The following NHSL1 variants were observed in gnomAD, a reference collection of about 807,000 sequenced individuals.
NHSL1 encodes the protein NHS-like protein 1.
A neutral mutation model predicts 95.0 loss-of-function variants in NHSL1; 48 were observed. The observed-to-expected ratio is 0.51, with a 90% CI of 0.40 to 0.64. NHSL1 has a LOEUF of 0.64. NHSL1 is among the 30% of genes least tolerant of loss of function. The pLI, the probability that NHSL1 is intolerant of heterozygous loss-of-function variation, is 0.00. For missense variants in NHSL1, 1,971 were observed against 2,077.7 expected (o/e 0.95, Z 1.00); for synonymous variants, 783 against 833.9 (o/e 0.94, Z 1.05).
Position 138,518,786 on chromosome 6 carries a change from G to A in NHSL1, c.17-22415C>T, listed in dbSNP as rs549610557. 7.0e-4 allele frequency among the ~76,000 whole-genome samples: 106 copies of A among 152,290 alleles called. 1 individual carries two copies. In the Middle Eastern group the frequency reaches 0.024, roughly 34 times the overall value. ...TAATCCCAGCACTTTAGGAGGCCAA[G>A]GCCAGCAGATCGCCTGAGGTCAGGA... On this transcript the variant is annotated intron_variant, in intron 1 of 4. Coordinates refer to the NHSL1 transcript ENST00000342260.
intron 5 of NHSL1, among the ~76,000 whole-genome samples, chr6:138,434,318 G>A (rs1002304095): frequency 3.3e-5 from 5 of 151,986 alleles, no homozygotes; most frequent in African/African-American, 1.2e-4. Context: ...GTTCTAGTTG[G>A]GGAAACTGGC....
At chr6:138,579,866 A>T (rs1784026585) in intron 1 of NHSL1, among the ~76,000 whole-genome samples, 1 of 152,242 alleles carries the variant, frequency 6.6e-6, no homozygotes, top group Non-Finnish European at 1.5e-5. Context: ...ATGGCTCTAT[A>T]GTGCTTACAC....
chr6:138,672,800 C>G (rs879614626), intron 1 of NHSL1, among the ~76,000 whole-genome samples: 1 of 152,128 alleles, frequency 6.6e-6, no homozygotes, highest in Non-Finnish European at 1.5e-5. Context: ...AGGCAGATCA[C>G]GAGGTCAGGA....
chr6:138,670,747 T>C (rs1213046002), intron 1 of NHSL1, among the ~76,000 whole-genome samples: 1 of 150,080 alleles, frequency 6.7e-6, no homozygotes, highest in Non-Finnish European at 1.5e-5. Flanking sequence ...AAAAGCAGGA[T>C]GTTATATAAA....
At chr6:138,520,058 A>C (rs978912045) in intron 1 of NHSL1, among the ~76,000 whole-genome samples, 20 of 152,116 alleles carry the variant, frequency 1.3e-4, no homozygotes, top group Non-Finnish European at 2.1e-4. Context: ...TTATTGCCCA[A>C]ATCCAATTGT....
Position 138,494,192 on chromosome 6 carries a change from C to T in NHSL1, c.211+2027G>A, listed in dbSNP as rs116509843. ...GAAGTTATCTGCCCTCTTTAATTCC[C>T]ATACAGCAATTTTTAGTTTGTCTCC... is the stretch of plus-strand genomic sequence containing the variant. On this transcript the variant is annotated intron_variant, in intron 2 of 7. Transcript: ENST00000343505. Among the ~76,000 whole-genome samples the T allele has an allele frequency of 6.7e-3, 1,013 of 152,304 alleles. 8 individuals are homozygous for T. Among genetic ancestry groups the T allele is most frequent in the African/African-American group, 0.022 (901 of 41,570 alleles).
intron 2 of NHSL1, among the ~76,000 whole-genome samples, chr6:138,477,618 T>C (rs190959167): frequency 6.6e-6 from 1 of 152,174 alleles, no homozygotes; most frequent in Admixed American, 6.5e-5. Flanking sequence ...TGTATAATAA[T>C]AGTAAAATGA....
intron 1 of NHSL1, among the ~76,000 whole-genome samples, chr6:138,644,362 G>A (rs565295890): frequency 5.3e-4 from 80 of 152,122 alleles, no homozygotes; most frequent in African/African-American, 1.9e-3. Flanking sequence ...TTAGCCAAGC[G>A]TGGTGGTGCA....
At chr6:138,648,688 G>A (rs1201551145) in intron 1 of NHSL1, among the ~76,000 whole-genome samples, 1 of 152,170 alleles carries the variant, frequency 6.6e-6, no homozygotes, top group Non-Finnish European at 1.5e-5. Context: ...CAGAAAGAAG[G>A]GCCTACCCAA....
chr6:138,648,334 T>C (rs1017989889), intron 1 of NHSL1, among the ~76,000 whole-genome samples: 1 of 139,348 alleles, frequency 7.2e-6, no homozygotes, highest in Non-Finnish European at 1.5e-5. Flanking sequence ...TATGTTTTAA[T>C]AAAACTTTAC....
intron 1 of NHSL1, among the ~76,000 whole-genome samples, chr6:138,561,834 T>C (rs1783422987): frequency 6.6e-6 from 1 of 152,212 alleles, no homozygotes; most frequent in Admixed American, 6.5e-5. Context: ...AGACAACTGC[T>C]TGCCTAGGCA....
intron 4 of NHSL1, among the ~76,000 whole-genome samples, chr6:138,445,699 C>T (rs1776821797): frequency 6.6e-6 from 1 of 152,158 alleles, no homozygotes; most frequent in South Asian, 2.1e-4. Flanking sequence ...TACAAGCTCA[C>T]CAGTGCCATG....
Position 138,432,883 on chromosome 6 carries a change from G to A in NHSL1, c.1462C>T (p.Pro488Ser), listed in dbSNP as rs1441699590. Residue 488 changes from proline to serine, a missense_variant, in exon 6 of 8, where the codon CCT (proline) becomes TCT (serine). By Grantham distance (74) the Pro-to-Ser change is moderately conservative. Transcript: ENST00000343505. This position sits in a 1 kb window ranked among gnomAD's most constrained non-coding sequence, Gnocchi z 4.4. Reference sequence around the variant, plus strand: ...AGGGACAACAGTGCGGGTTCACCAGGGGAATGAGGGTCTAAGTCCTGTGAA... The same window carrying A: ...AGGGACAACAGTGCGGGTTCACCAGAGGAATGAGGGTCTAAGTCCTGTGAA... The part of the protein sequence containing the change: ...ILSQDLDPHS[P>S]GEPALLSLCD... 3.9e-6 allele frequency: 6 copies of A among 1,551,590 alleles called. No homozygotes were observed. In the East Asian group the frequency reaches 1.5e-4, roughly 38 times the overall value.
chr6:138,490,286 A>G (rs13197621), intron 2 of NHSL1, among the ~76,000 whole-genome samples: 1 of 152,208 alleles, frequency 6.6e-6, no homozygotes, highest in East Asian at 1.9e-4. Flanking sequence ...GCTCTCAATC[A>G]ATGTCCACAG....
At position 138,424,838 on chromosome 6, in the gene NHSL1, A is replaced by T; in HGVS notation, c.4086-22T>A. ...GGATCTGAGATTTAATAACATTAAG[A>T]AAAAGGTTAATTCCCACGGGACCAC... On this transcript the variant is annotated intron_variant, in intron 7 of 7. Transcript: ENST00000343505. This position sits in a 1 kb window ranked among gnomAD's most constrained non-coding sequence, Gnocchi z 5.9. 6.5e-7 allele frequency: 1 copy of T among 1,540,078 alleles called. No individual in the cohort carries two copies. Among genetic ancestry groups the T allele is most frequent in the Non-Finnish European group, 8.8e-7 (1 of 1,139,532 alleles).
chr6:138,464,273 C>T, intron 3 of NHSL1: 1 of 799,088 alleles, frequency 1.3e-6, no homozygotes, highest in Non-Finnish European at 2.1e-6. Flanking sequence ...CCACTTCCTG[C>T]TTTGGCAGAC....
At chr6:138,554,002 C>A (rs1385325658) in intron 1 of NHSL1, among the ~76,000 whole-genome samples, 2 of 152,150 alleles carry the variant, frequency 1.3e-5, no homozygotes, top group Non-Finnish European at 2.9e-5. Context: ...AGAATTAACA[C>A]CAGTATGTCC....
intron 3 of NHSL1, among the ~76,000 whole-genome samples, chr6:138,454,765 C>A (rs953993478): frequency 6.6e-6 from 1 of 152,224 alleles, no homozygotes; most frequent in East Asian, 1.9e-4. Flanking sequence ...GATCTAATCT[C>A]TCCAAGATAC....
chr6:138,426,325 C>T (rs1012795887), intron 7 of NHSL1, among the ~76,000 whole-genome samples: 7 of 152,230 alleles, frequency 4.6e-5, no homozygotes, highest in African/African-American at 1.7e-4. Flanking sequence ...ATTACCCATG[C>T]ATGCCATGCC....
Sources: gnomAD v4.1 joint callset for allele counts (sites outside exome capture counted in the v4.1 genomes callset) on GRCh38, gnomAD v4.1.1 for gene constraint, Gnocchi (gnomAD v3.1) non-coding constraint, MANE v1.5 for transcripts, NCBI Gene and HGNC (gene_info 2026-07-23, HGNC 2026-07-21) for gene names.